The following DLG2 variants were observed in gnomAD, a reference collection of about 807,000 sequenced individuals.
DLG2 encodes the protein discs large MAGUK scaffold protein 2.
A neutral mutation model predicts 132.5 loss-of-function variants in DLG2; 45 were observed. The ratio of observed to expected loss-of-function variants is 0.34; its 90% CI spans 0.27 to 0.44. The LOEUF is 0.44. Among genes scored for constraint, DLG2 ranks in the 20% least tolerant of loss-of-function variants. The pLI is 1.00. For missense variants in DLG2, 1,045 were observed against 1,196.9 expected, an observed-to-expected ratio of 0.87 and a Z score of 1.87; for synonymous variants, 424 against 419.6, an observed-to-expected ratio of 1.01 and a Z score of -0.13.
At chr11:85,501,350 T>C (rs113088052) in intron 3 of DLG2, among the ~76,000 whole-genome samples, 1,670 of 152,238 alleles carry the variant, frequency 0.011, 30 homozygotes, top group African/African-American at 0.038. Flanking sequence ...ATTCAGGACA[T>C]AGGCATGGGC....
At chr11:84,626,658 G>A (rs1457501374) in intron 6 of DLG2, among the ~76,000 whole-genome samples, 2 of 152,096 alleles carry the variant, frequency 1.3e-5, no homozygotes, top group African/African-American at 4.8e-5. Context: ...CAGCAACAAG[G>A]CTGAAGGTAG....
chr11:85,535,785 C>T (rs891968832), intron 3 of DLG2, among the ~76,000 whole-genome samples: 1 of 152,150 alleles, frequency 6.6e-6, no homozygotes, highest in Middle Eastern at 3.4e-3. Flanking sequence ...TATATTCATA[C>T]AAAAGAATAA....
chr11:84,504,265 G>T (rs1189119365), intron 7 of DLG2, among the ~76,000 whole-genome samples: 1 of 151,974 alleles, frequency 6.6e-6, no homozygotes, highest in Non-Finnish European at 1.5e-5. Flanking sequence ...TTCTACAAAG[G>T]GGTGAAATGT....
At chr11:83,928,597 GA>G (rs1232859188) in intron 15 of DLG2, among the ~76,000 whole-genome samples, 3 of 152,214 alleles carry the variant, frequency 2.0e-5, no homozygotes, top group African/African-American at 7.2e-5. Context: ...GAAATGGGGG[GA>G]AATTTTTTTC....
Position 84,533,905 on chromosome 11 carries a change from C to CAAAAAAAAAAAAAAAAAAAA in DLG2, c.519+645_519+664dup, listed in dbSNP as rs558597260. ...CAAAATCCAGTAGCGCCAGTTCAGC[C>CAAAAAAAAAAAAAAAAAAAA]AAAAAAAAAAAAAAAAAAAAAAAAA... On this transcript the variant is annotated intron_variant, in intron 7 of 27. Transcript: ENST00000376104. 3.3e-4 allele frequency among the ~76,000 whole-genome samples: 23 copies of CAAAAAAAAAAAAAAAAAAAA among 70,282 alleles called. 4 individuals are homozygous for CAAAAAAAAAAAAAAAAAAAA. Among genetic ancestry groups the CAAAAAAAAAAAAAAAAAAAA allele is most frequent in the African/African-American group, 5.8e-4 (11 of 18,978 alleles). The allele number at this position is 70,282 out of a possible 152,430, so 46.1% of individuals were successfully genotyped here. A position where few individuals can be genotyped will look rare whatever the true frequency, so the allele number is the denominator to read the frequency against.
At chr11:85,487,600 A>T (rs1340467904) in intron 3 of DLG2, among the ~76,000 whole-genome samples, 1 of 152,030 alleles carries the variant, frequency 6.6e-6, no homozygotes, top group Non-Finnish European at 1.5e-5. Context: ...ACTTGAAGAC[A>T]GGTATTTTGA....
chr11:85,393,484 A>T (rs1692223028), intron 3 of DLG2, among the ~76,000 whole-genome samples: 1 of 152,122 alleles, frequency 6.6e-6, no homozygotes, highest in African/African-American at 2.4e-5. Context: ...CCCAGAGAAA[A>T]AGAAGTCATT....
intron 6 of DLG2, among the ~76,000 whole-genome samples, chr11:84,908,495 T>G (rs1406248937): frequency 6.6e-6 from 1 of 152,124 alleles, no homozygotes; most frequent in Non-Finnish European, 1.5e-5. Flanking sequence ...GACATCCATA[T>G]TTCTCTTCCA....
At chr11:83,873,462 T>C (rs1188750464) in intron 16 of DLG2, among the ~76,000 whole-genome samples, 1 of 152,196 alleles carries the variant, frequency 6.6e-6, no homozygotes, top group East Asian at 1.9e-4. Flanking sequence ...GATGGTTTTA[T>C]AAGGGGAAAC....
At chr11:83,795,621 G>T (rs919093859) in intron 17 of DLG2, among the ~76,000 whole-genome samples, 6 of 151,900 alleles carry the variant, frequency 3.9e-5, no homozygotes, top group Non-Finnish European at 7.4e-5. Flanking sequence ...GAAGATGAGT[G>T]GTTTACCATT....
intron 6 of DLG2, among the ~76,000 whole-genome samples, chr11:84,960,665 C>T (rs986663340): frequency 6.6e-5 from 10 of 152,028 alleles, no homozygotes; most frequent in Admixed American, 2.6e-4. Context: ...TCTCAAACTC[C>T]TGAGCTCAGG....
chr11:85,290,750 AG>A (rs2078842864), intron 3 of DLG2, among the ~76,000 whole-genome samples: 2 of 152,088 alleles, frequency 1.3e-5, no homozygotes, highest in Non-Finnish European at 2.9e-5. Context: ...ATTGACTTCT[AG>A]GTGAGAGCTG....
intron 6 of DLG2, among the ~76,000 whole-genome samples, chr11:84,802,863 G>A (rs1566004139): frequency 6.6e-6 from 1 of 152,036 alleles, no homozygotes; most frequent in Non-Finnish European, 1.5e-5. Context: ...ACAGAGGCGC[G>A]ATCTCGGCTC....
chr11:84,338,038 A>G (rs2098495914), intron 7 of DLG2, among the ~76,000 whole-genome samples: 1 of 152,258 alleles, frequency 6.6e-6, no homozygotes, highest in African/African-American at 2.4e-5. Flanking sequence ...CATTGAAAGT[A>G]TAGGTCTAGT....
chr11:84,448,224 A>G (rs2099041305), intron 7 of DLG2, among the ~76,000 whole-genome samples: 1 of 152,036 alleles, frequency 6.6e-6, no homozygotes, highest in African/African-American at 2.4e-5. Context: ...CTATCTCAAC[A>G]ACAGAATTAT....
intron 12 of DLG2, among the ~76,000 whole-genome samples, chr11:83,967,759 G>A (rs1053590227): frequency 6.6e-6 from 1 of 152,088 alleles, no homozygotes; most frequent in Non-Finnish European, 1.5e-5. Context: ...TTTGTAGCCT[G>A]AGCTTTTAAC....
intron 6 of DLG2, among the ~76,000 whole-genome samples, chr11:84,593,411 T>C (rs2099548816): frequency 2.0e-5 from 3 of 152,010 alleles, no homozygotes; most frequent in African/African-American, 7.2e-5. Context: ...CCATCAATGA[T>C]AGACTAGAAA....
intron 6 of DLG2, among the ~76,000 whole-genome samples, chr11:85,069,618 C>A (rs867630656): frequency 1.1e-3 from 166 of 152,036 alleles, no homozygotes; most frequent in African/African-American, 2.0e-3. Context: ...ATCTCACAAC[C>A]GTTAGAATGG....
chr11:83,614,116 T>A (rs2060473108), intron 19 of DLG2, among the ~76,000 whole-genome samples: 2 of 152,190 alleles, frequency 1.3e-5, no homozygotes, highest in African/African-American at 4.8e-5. Flanking sequence ...CTGCTCTTGA[T>A]CAATGTGAGT....
Sources: gnomAD v4.1 joint callset for allele counts (sites outside exome capture counted in the v4.1 genomes callset) on GRCh38, gnomAD v4.1.1 for gene constraint, MANE v1.5 for transcripts, NCBI Gene and HGNC (gene_info 2026-07-23, HGNC 2026-07-21) for gene names.